The following ZNF567 variants were observed in gnomAD, a reference collection of about 807,000 sequenced individuals.
The protein encoded by ZNF567 is zinc finger protein 567.
ZNF567 carries 36 observed loss-of-function variants against 53.9 expected under a neutral mutation model. The ratio of observed to expected loss-of-function variants is 0.67; its 90% confidence interval spans 0.51 to 0.88. The LOEUF is 0.88. ZNF567 is among the 40% of genes least tolerant of loss of function. The probability of loss-of-function intolerance (pLI) is 0.00; values close to 1 mark genes in which losing one functional copy is unlikely to be tolerated. For synonymous variants in ZNF567, 224 were observed against 260.4 expected (o/e 0.86, Z 1.35); for missense variants, 619 against 764.7 (o/e 0.81, Z 2.25).
intron 2 of ZNF567, among the ~76,000 whole-genome samples, chr19:36,690,236 TAA>T (rs2038529017): frequency 6.6e-6 from 1 of 152,148 alleles, no homozygotes; most frequent in South Asian, 2.1e-4. Flanking sequence ...TCATCAAAAA[TAA>T]GAGATACAAA....
the ZNF567 span, among the ~76,000 whole-genome samples, chr19:36,681,757 G>T: frequency 6.7e-6 from 1 of 150,212 alleles, no homozygotes; most frequent in Non-Finnish European, 1.5e-5. Context: ...TTTTTTAATT[G>T]GGAATTGTTA....
the ZNF567 span, among the ~76,000 whole-genome samples, chr19:36,681,506 T>C: frequency 6.6e-6 from 1 of 152,174 alleles, no homozygotes; most frequent in Non-Finnish European, 1.5e-5. Context: ...CACGGCTCAC[T>C]ACAGCCTTGA....
chr19:36,713,640 T>C (rs2039899873), intron 5 of ZNF567, among the ~76,000 whole-genome samples: 1 of 150,016 alleles, frequency 6.7e-6, no homozygotes, highest in Non-Finnish European at 1.5e-5. Context: ...GACTTTTAAA[T>C]ATCACTCTCT....
upstream of ZNF567, chr19:36,685,644 T>C (rs575452327): frequency 1.3e-5 from 2 of 152,332 alleles, no homozygotes; most frequent in African/African-American, 4.8e-5. Flanking sequence ...TTCAAGATAC[T>C]GTATCAGAGA....
chr19:36,712,837 T>G lies in ZNF567; in HGVS notation c.193T>G (p.Trp65Gly). ...ILKLERGEEP[W>G]TSFAGHTCLE... The stretch of plus-strand genomic sequence containing the variant: ...CAAGTTGGAACGAGGAGAAGAGCCA[T>G]GGACATCATTTGCAGGTCATACCTG... The change falls in exon 5 of 6, where the codon TGG becomes GGG. Residue 65 changes from tryptophan to glycine, a missense_variant. By Grantham distance (184) the Trp-to-Gly change is radical. Transcript: ENST00000682579. The G allele has an allele frequency of 6.2e-7, 1 of 1,614,180 alleles. No homozygotes were observed. The highest frequency in any genetic ancestry group is 1.1e-5 in the South Asian group (1 of 91,080).
chr19:36,701,364 AGGTGT>A (rs1401386729), intron 3 of ZNF567, among the ~76,000 whole-genome samples: 3 of 151,258 alleles, frequency 2.0e-5, no homozygotes, highest in Admixed American at 6.6e-5. Flanking sequence ...ATTTTGGAAT[AGGTGT>A]GGTGTGGTGC....
chr19:36,715,993 A>C (rs1206399524), intron 5 of ZNF567, among the ~76,000 whole-genome samples: 1 of 152,202 alleles, frequency 6.6e-6, no homozygotes, highest in African/African-American at 2.4e-5. Flanking sequence ...CAAAATGACA[A>C]CTATCTTATT....
chr19:36,685,124 C>G (rs1020139873), upstream of ZNF567, among the ~76,000 whole-genome samples: 5 of 152,240 alleles, frequency 3.3e-5, no homozygotes, highest in East Asian at 9.7e-4. Flanking sequence ...CCCATGTCTA[C>G]TAAAAATACA....
chr19:36,726,259 C>A (rs1039734844), downstream of ZNF567, among the ~76,000 whole-genome samples: 2 of 152,112 alleles, frequency 1.3e-5, no homozygotes, highest in Non-Finnish European at 2.9e-5. Flanking sequence ...ATAATTCTGA[C>A]ATCATTGTCA....
At chr19:36,682,283 CA>C in the ZNF567 span, among the ~76,000 whole-genome samples, 52,621 of 96,760 alleles carry the variant, frequency 0.54, 9,939 homozygotes, top group Middle Eastern at 0.57. Context: ...GACCCTGTCT[CA>C]AAAAAAAAAA....
chr19:36,692,767 C>T (rs938982453), intron 2 of ZNF567, among the ~76,000 whole-genome samples: 2 of 152,104 alleles, frequency 1.3e-5, no homozygotes, highest in African/African-American at 4.8e-5. Flanking sequence ...GACCTCTCTG[C>T]ACTATTTTTG....
chr19:36,706,800 C>G (rs2039520072), intron 3 of ZNF567, among the ~76,000 whole-genome samples: 1 of 150,634 alleles, frequency 6.6e-6, no homozygotes, highest in East Asian at 2.0e-4. Context: ...GGACTGCAGG[C>G]ATGTGCCACC....
chr19:36,667,598 AAACAAC>A, the ZNF567 span, among the ~76,000 whole-genome samples: 4 of 150,018 alleles, frequency 2.7e-5, no homozygotes, highest in African/African-American at 9.8e-5. Context: ...AAGAAAAAAC[AAACAAC>A]AACAACAACA....
At chr19:36,716,352 C>A (rs879304682) in intron 5 of ZNF567, among the ~76,000 whole-genome samples, 6 of 152,188 alleles carry the variant, frequency 3.9e-5, no homozygotes, top group Non-Finnish European at 8.8e-5. Context: ...TCTGTGAAAT[C>A]TTCCTTGATT....
In ZNF567 at chr19:36,712,772, A is replaced by G. The variant is rs779424770; in HGVS notation, c.137-9A>G. The G allele has an allele frequency of 6.2e-7, 1 of 1,609,508 alleles. No individual in the cohort carries two copies. Among genetic ancestry groups the G allele is most frequent in the South Asian group, 1.1e-5 (1 of 90,272 alleles). On this transcript the variant is annotated splice_polypyrimidine_tract_variant and intron_variant, in intron 4 of 5. Transcript: ENST00000682579. ...CCCAATCAACTTAAGTCTTTTTTTC[A>G]CTTTTCAGGGTGTCACATGACCAAA...
chr19:36,704,527 A>G (rs2039393232), intron 3 of ZNF567, among the ~76,000 whole-genome samples: 1 of 151,994 alleles, frequency 6.6e-6, no homozygotes, highest in East Asian at 1.9e-4. Flanking sequence ...ATGTTGATTG[A>G]TTTTTGAAAA....
intron 3 of ZNF567, among the ~76,000 whole-genome samples, chr19:36,696,371 G>A (rs915134191): frequency 6.6e-6 from 1 of 152,110 alleles, no homozygotes; most frequent in African/African-American, 2.4e-5. Context: ...AAGTAATTTT[G>A]ATTCTAAACC....
At chr19:36,677,530 G>A in the ZNF567 span, among the ~76,000 whole-genome samples, 2 of 151,082 alleles carry the variant, frequency 1.3e-5, no homozygotes, top group African/African-American at 4.9e-5. Flanking sequence ...ACTTTGGGAG[G>A]CCGAGGCGGG....
chr19:36,670,881 C>CA, the ZNF567 span, among the ~76,000 whole-genome samples: 3 of 152,126 alleles, frequency 2.0e-5, no homozygotes, highest in African/African-American at 7.2e-5. Context: ...GCATGTGGAT[C>CA]ATCTGAGGTC....
Sources: allele counts gnomAD v4.1 joint callset (sites outside exome capture counted in the v4.1 genomes callset), GRCh38; gene constraint gnomAD v4.1.1; transcripts MANE v1.5; gene names NCBI Gene and HGNC (gene_info 2026-07-23, HGNC 2026-07-21).